The following TJP3 variants were observed in gnomAD, a reference collection of about 807,000 sequenced individuals.
TJP3 encodes the protein tight junction protein 3.
TJP3 carries 85 observed loss-of-function variants against 104.2 expected under a neutral mutation model. The ratio of observed to expected loss-of-function variants is 0.82; its 90% CI spans 0.68 to 0.98. TJP3 has a LOEUF of 0.98. TJP3 is among the 50% of genes least tolerant of loss of function. TJP3 has a pLI of 0.00. For synonymous variants in TJP3, 550 were observed against 550.6 expected (o/e 1.00, Z 0.02); for missense variants, 1,367 against 1,322.8 (o/e 1.03, Z -0.52).
At chr19:3,729,019 C>G (rs2036636404) in intron 3 of TJP3, among the ~76,000 whole-genome samples, 1 of 152,160 alleles carries the variant, frequency 6.6e-6, no homozygotes, top group African/African-American at 2.4e-5. Flanking sequence ...CGCCACTGCA[C>G]TCCAGCCTGG....
chr19:3,712,531 A>G (rs1437595677), intron 1 of TJP3, among the ~76,000 whole-genome samples: 2 of 152,098 alleles, frequency 1.3e-5, no homozygotes, highest in African/African-American at 4.8e-5. Flanking sequence ...TCAGGGTCAA[A>G]ACCGGGATCC....
intron 7 of TJP3, 86 bp downstream of exon 7, chr19:3,733,998 T>C: frequency 6.6e-7 from 1 of 1,522,778 alleles, no homozygotes; most frequent in Non-Finnish European, 8.9e-7. Context: ...AAGGAATCAA[T>C]GAGCCTGGTC....
chr19:3,717,106 C>G (rs1486620908), intron 1 of TJP3, among the ~76,000 whole-genome samples: 1 of 146,366 alleles, frequency 6.8e-6, no homozygotes, highest in Non-Finnish European at 1.5e-5. Flanking sequence ...GCTGGGATTA[C>G]AGGCATGTGC....
chr19:3,739,109 C>T lies in TJP3; in HGVS notation c.1606C>T (p.Arg536Trp), dbSNP rs35628485. 8,063 of 1,571,110 alleles carry T rather than the reference C, an allele frequency of 5.1e-3. 25 individuals are homozygous for T. The highest frequency in any genetic ancestry group is 7.4e-3 in the Middle Eastern group (36 of 4,834). Residue 536 changes from arginine (R) to tryptophan (W), a missense_variant, in exon 13 of 21, where the codon CGG becomes TGG. Transcript: ENST00000541714. ...RMGRDLREQE[R>W]GIIPNQSRAE... ...GGGTCGTGACCTGCGGGAGCAAGAG[C>T]GGGGCATCATTCCCAACCAGAGCAG...
intron 19 of TJP3, 22 bp downstream of exon 19, chr19:3,748,103 G>C (rs776224082): frequency 6.5e-7 from 1 of 1,528,246 alleles, no homozygotes. Context: ...ATGGGGGGCA[G>C]GCCTGGGAAG....
chr19:3,747,961 C>T lies in TJP3; in HGVS notation c.2490C>T (p.Tyr830=), dbSNP rs138934064. 43 of 1,612,956 alleles carry T rather than the reference C, an allele frequency of 2.7e-5. No individual in the cohort carries two copies. In the African/African-American group the frequency reaches 5.2e-4, roughly 19 times the overall value. The change falls in exon 19 of 21, where the codon TAC becomes TAT. Residue 830 remains tyrosine (Y), a synonymous_variant. Coordinates refer to ENST00000541714, the MANE Select transcript of TJP3 (RefSeq NM_001267560.2). ...EGYTDGEGGP[Y]TDVDDEPPAP... is the part of the protein sequence containing the mutation. ...ACACAGACGGCGAGGGGGGGCCCTA[C>T]ACGGATGTGGATGATGAGCCCCCGG...
At chr19:3,745,334 C>G (rs982699371) in intron 15 of TJP3, among the ~76,000 whole-genome samples, 3 of 151,776 alleles carry the variant, frequency 2.0e-5, no homozygotes, top group Non-Finnish European at 4.4e-5. Flanking sequence ...TTAGTGGAGA[C>G]AGGTTTCGCC....
At chr19:3,716,820 A>G (rs12973827) in intron 1 of TJP3, among the ~76,000 whole-genome samples, 36,521 of 116,872 alleles carry the variant, frequency 0.31, 7,518 homozygotes, top group African/African-American at 0.48. Flanking sequence ...TTTTTTTTGA[A>G]ACAGAGTCTC....
intron 7 of TJP3, 57 bp downstream of exon 7, chr19:3,733,969 G>T: frequency 1.3e-6 from 2 of 1,577,208 alleles, no homozygotes; most frequent in East Asian, 2.3e-5. Flanking sequence ...AGGGAAGGTG[G>T]GAAGCCCCAG....
chr19:3,713,120 C>T (rs868441425), intron 1 of TJP3, among the ~76,000 whole-genome samples: 10 of 152,110 alleles, frequency 6.6e-5, no homozygotes, highest in Admixed American at 1.3e-4. Flanking sequence ...GGACGCCAAA[C>T]CCTGAGACGT....
At position 3,735,432 on chromosome 19, in the gene TJP3, C is replaced by T. The variant is rs537310384; in HGVS notation, c.987-134C>T. ...CAGGCTGGTCTTGAAATCCTGACCT[C>T]AGGTGATCTGCCCACCTCGACCTCC... On this transcript the variant is annotated intron_variant, in intron 8 of 20. Transcript: ENST00000541714. 123 of 817,064 alleles carry T rather than the reference C, an allele frequency of 1.5e-4. 2 individuals carry two copies. The African/African-American group carries it at 1.6e-3, about 11-fold the overall frequency. 50.6% of individuals were successfully genotyped at this position (817,064 alleles called of 1,614,324 possible).
chr19:3,735,572 T>A lies in TJP3; in HGVS notation c.993T>A (p.Ser331Arg). ...EASQTDSPVE[S>R]PRLRRESSVD... ...CCAATCTGTTCCCCACCAGGGAGAG[T>A]CCCCGGCTTCGGCGGGAAAGTTCAG... Residue 331 changes from serine (S) to arginine (R), a missense_variant, in exon 9 of 21, where the codon AGT becomes AGA. By Grantham distance (110) the Ser-to-Arg change is moderately radical (BLOSUM62 -1). Coordinates refer to ENST00000541714, the MANE Select transcript of TJP3 (RefSeq NM_001267560.2). 6.2e-7 allele frequency: 1 copy of A among 1,613,510 alleles called. No homozygotes were observed. Among genetic ancestry groups the A allele is most frequent in the Non-Finnish European group, 8.5e-7 (1 of 1,179,930 alleles).
chr19:3,747,507 C>G (rs907362570), intron 18 of TJP3, among the ~76,000 whole-genome samples: 3 of 152,146 alleles, frequency 2.0e-5, no homozygotes, highest in African/African-American at 7.2e-5. Flanking sequence ...AGCACTCCAG[C>G]CTGGCAACAG....
intron 15 of TJP3, among the ~76,000 whole-genome samples, chr19:3,744,799 A>C (rs557248): frequency 0.47 from 70,306 of 151,182 alleles, 16,510 homozygotes; most frequent in Admixed American, 0.54. Context: ...ATGGTGGCGC[A>C]TGCCTGTAAT....
Position 3,740,585 on chromosome 19 carries a change from G to C in TJP3, c.1665G>C (p.Gln555His). ...AEQLASLEAA[Q>H]RAVGVGPGSS... is the part of the protein sequence containing the mutation. Reference sequence around the variant, plus strand: ...AGCTGGCCAGCCTGGAAGCTGCCCAGAGGGCCGTGGGAGTCGGGCCCGGCT... The same window carrying C: ...AGCTGGCCAGCCTGGAAGCTGCCCACAGGGCCGTGGGAGTCGGGCCCGGCT... The change falls in exon 14 of 21, where the codon CAG (glutamine) becomes CAC (histidine). Residue 555 changes from glutamine to histidine, a missense_variant. Gln to His is a conservative substitution (Grantham distance 24). Transcript: ENST00000541714. The C allele has an allele frequency of 1.3e-6, 2 of 1,526,274 alleles. No homozygotes were observed. The highest frequency in any genetic ancestry group is 4.7e-5 in the East Asian group (2 of 42,648). The allele number at this position is 1,526,274 out of a possible 1,614,324, so 94.5% of individuals were successfully genotyped here.
At chr19:3,722,927 C>T (rs942298628) in intron 1 of TJP3, among the ~76,000 whole-genome samples, 1 of 133,856 alleles carries the variant, frequency 7.5e-6, no homozygotes, top group African/African-American at 2.8e-5. Flanking sequence ...TGGTACCGGC[C>T]CCGTCCCCTC....
At chr19:3,742,961 TG>T (rs1030278332) in intron 14 of TJP3, among the ~76,000 whole-genome samples, 1 of 140,572 alleles carries the variant, frequency 7.1e-6, no homozygotes, top group Non-Finnish European at 1.5e-5. Context: ...AGCAAGACTC[TG>T]TCTCAAAAAA....
chr19:3,741,997 T>G (rs1599161148), intron 14 of TJP3, among the ~76,000 whole-genome samples: 2 of 151,736 alleles, frequency 1.3e-5, no homozygotes, highest in East Asian at 3.9e-4. Flanking sequence ...CAAAAAAATT[T>G]TGGGTTATTT....
chr19:3,745,342 G>A (rs1210775022), intron 15 of TJP3, among the ~76,000 whole-genome samples: 5 of 151,842 alleles, frequency 3.3e-5, no homozygotes, highest in African/African-American at 1.2e-4. Flanking sequence ...GACAGGTTTC[G>A]CCGTTTGGCC....
Sources: allele counts gnomAD v4.1 joint callset (sites outside exome capture counted in the v4.1 genomes callset), GRCh38; gene constraint gnomAD v4.1.1; transcripts MANE v1.5; gene names NCBI Gene and HGNC (gene_info 2026-07-23, HGNC 2026-07-21).